Variants in KMT2C observed in about 807,000 individuals in gnomAD.
KMT2C encodes the protein histone-lysine N-methyltransferase 2C.
A neutral mutation model predicts 507.9 loss-of-function variants in KMT2C; 88 were observed. That is an observed-to-expected ratio of 0.17 (90% CI 0.15 to 0.21). KMT2C has a LOEUF of 0.21. Among genes scored for constraint, KMT2C ranks in the 10% least tolerant of loss-of-function variants. The probability of loss-of-function intolerance (pLI) is 1.00; values close to 1 mark genes in which losing one functional copy is unlikely to be tolerated. For synonymous variants in KMT2C, 2,049 were observed against 2,080.8 expected, an observed-to-expected ratio of 0.98 and a Z score of 0.42; for missense variants, 4,954 against 5,957.8, an observed-to-expected ratio of 0.83 and a Z score of 5.55.
chr7:152,180,793 G>A lies in KMT2C; in HGVS notation c.7067C>T (p.Pro2356Leu), dbSNP rs1340968648. The change falls in exon 36 of 59, where the codon CCT becomes CTT. Residue 2356 changes from proline (P) to leucine (L), a missense_variant. This residue lies in a region of KMT2C where 1,689 missense variants were observed against 1,654.3 expected (regional missense o/e 1.02). Transcript: ENST00000262189. ...TACTCCTGAAGTTGGCACAGGTCCA[G>A]GAAGTTGGGAGACACCAGAGAACTG... ...GQQFSGVSQL[P>L]GPVPTSGVTD... is the part of the protein sequence containing the mutation. 1 of 1,614,152 alleles carries A rather than the reference G, an allele frequency of 6.2e-7. No homozygotes were observed. The highest frequency in any genetic ancestry group is 8.5e-7 in the Non-Finnish European group (1 of 1,180,026).
intron 55 of KMT2C, among the ~76,000 whole-genome samples, chr7:152,143,086 G>C (rs1378478364): frequency 6.6e-6 from 1 of 152,122 alleles, no homozygotes; most frequent in Non-Finnish European, 1.5e-5. Context: ...TCGAGAACAC[G>C]AATGGGTATA....
chr7:152,290,218 A>ATG lies in KMT2C; in HGVS notation c.850-16352_850-16351insCA, dbSNP rs1453293217. 1.2e-3 allele frequency among the ~76,000 whole-genome samples: 128 copies of ATG among 108,734 alleles called. 1 individual carries two copies. In the East Asian group the frequency reaches 0.012, roughly 10 times the overall value. 71.3% of individuals were successfully genotyped at this position (108,734 alleles called of 152,430 possible). A position where few individuals can be genotyped will look rare whatever the true frequency, so the allele number is the denominator to read the frequency against. On this transcript the variant is annotated intron_variant, in intron 6 of 58. Transcript: ENST00000262189. ...AGGTAGTCTAATAAATTTTATATAT[A>ATG]TATGTGTGTGTGTGTGTGTGTGTGT...
chr7:152,234,737 T>C (rs986064806), intron 16 of KMT2C, among the ~76,000 whole-genome samples: 3 of 151,886 alleles, frequency 2.0e-5, no homozygotes, highest in Admixed American at 6.6e-5. Context: ...GCTGTCTCTA[T>C]CAAAAATTTT....
At chr7:152,300,916 G>A (rs1391209123) in intron 6 of KMT2C, among the ~76,000 whole-genome samples, 1 of 152,054 alleles carries the variant, frequency 6.6e-6, no homozygotes, top group African/African-American at 2.4e-5. Flanking sequence ...AAAGTAGCTG[G>A]GCATGCTGGC....
chr7:152,167,035 A>G (rs1292918158), intron 42 of KMT2C, 111 bp downstream of exon 42: 1 of 831,048 alleles, frequency 1.2e-6, no homozygotes, highest in Non-Finnish European at 1.9e-6. Context: ...TTTTAATGCC[A>G]TTTAATACTA....
At chr7:152,347,629 C>T (rs143066091) in intron 2 of KMT2C, among the ~76,000 whole-genome samples, 54 of 152,242 alleles carry the variant, frequency 3.5e-4, no homozygotes, top group African/African-American at 9.2e-4. Context: ...TACATCTTTA[C>T]ATTTGTTTAC....
rs1193962405 is a variant in KMT2C at position 152,187,494 on chromosome 7, T to C, written c.4794-18A>G. ...TTTTATCCCTGGGAAAAAATAAATA[T>C]CTTTACTTTATGAACATAAAATAAC... On this transcript the variant is annotated intron_variant, in intron 32 of 58. Transcript: ENST00000262189. 1.3e-6 allele frequency: 2 copies of C among 1,591,308 alleles called. No individual in the cohort carries two copies. The highest frequency in any genetic ancestry group is 3.3e-5 in the Admixed American group (2 of 59,792).
Position 152,162,423 on chromosome 7 carries a change from T to C in KMT2C, c.11154A>G (p.Ile3718Met). Reference sequence around the variant, plus strand: ...ACTCTGTCTCAGCCTTTTCCAGTTTTATCTCTTCTGTTTTGGCAGGGGTTT... The same window carrying C: ...ACTCTGTCTCAGCCTTTTCCAGTTTCATCTCTTCTGTTTTGGCAGGGGTTT... ...SMETPAKTEE[I>M]KLEKAETESC... The change falls in exon 43 of 59, where the codon ATA (isoleucine) becomes ATG (methionine). Residue 3718 changes from isoleucine (I) to methionine (M), a missense_variant. Ile to Met is a conservative substitution (Grantham distance 10, BLOSUM62 1). Coordinates refer to ENST00000262189, the MANE Select transcript of KMT2C (RefSeq NM_170606.3). 1 of 1,614,254 alleles carries C rather than the reference T, an allele frequency of 6.2e-7. No individual in the cohort carries two copies. Among genetic ancestry groups the C allele is most frequent in the South Asian group, 1.1e-5 (1 of 91,092 alleles).
intron 6 of KMT2C, among the ~76,000 whole-genome samples, chr7:152,275,129 T>G (rs1289526059): frequency 6.6e-6 from 1 of 152,256 alleles, no homozygotes; most frequent in Non-Finnish European, 1.5e-5. Context: ...ATGTTTTATG[T>G]GTAAATCTGT....
At chr7:152,155,361 C>G (rs1051291772) in intron 46 of KMT2C, among the ~76,000 whole-genome samples, 50 of 152,078 alleles carry the variant, frequency 3.3e-4, no homozygotes, top group African/African-American at 1.2e-3. Context: ...TTGTAAGAAC[C>G]CTCTGGATCT....
At chr7:152,220,431 T>TA in intron 23 of KMT2C, 92 bp downstream of exon 23, 2 of 1,000,120 alleles carry the variant, frequency 2.0e-6, no homozygotes, top group African/African-American at 1.6e-5. Flanking sequence ...CAGTGTGATT[T>TA]ACCCTTTGGT....
At chr7:152,348,966 CA>C (rs1323176222) in intron 2 of KMT2C, among the ~76,000 whole-genome samples, 1 of 152,144 alleles carries the variant, frequency 6.6e-6, no homozygotes, top group Non-Finnish European at 1.5e-5. Context: ...GGTATTTATC[CA>C]AATGAGTTGA....
At chr7:152,234,278 G>A (rs1389153738) in intron 16 of KMT2C, among the ~76,000 whole-genome samples, 3 of 151,610 alleles carry the variant, frequency 2.0e-5, no homozygotes, top group African/African-American at 7.3e-5. Context: ...GCTACCCAGG[G>A]GGCTGAGGCA....
intron 3 of KMT2C, among the ~76,000 whole-genome samples, chr7:152,316,547 T>C (rs1207143395): frequency 1.3e-5 from 2 of 152,196 alleles, no homozygotes; most frequent in Non-Finnish European, 2.9e-5. Flanking sequence ...TCACAAGATA[T>C]TTACTGCTGC....
rs373920196 is a variant in KMT2C at position 152,281,000 on chromosome 7, A to G, written c.850-7133T>C. Among the ~76,000 whole-genome samples the G allele has an allele frequency of 1.7e-4, 26 of 152,350 alleles. No homozygotes were observed. The East Asian group carries it at 4.6e-3, about 27-fold the overall frequency. ...GGAGAGGCAAGCTTTCTGAGTCCAC[A>G]AAAGTGCCCTCTACCTATTGGGTCA... On this transcript the variant is annotated intron_variant, in intron 6 of 58. Transcript: ENST00000262189.
At chr7:152,300,250 G>C (rs1181271362) in intron 6 of KMT2C, among the ~76,000 whole-genome samples, 1 of 152,174 alleles carries the variant, frequency 6.6e-6, no homozygotes, top group African/African-American at 2.4e-5. Context: ...TGTGAAGGAG[G>C]GTCTGTCTGT....
At chr7:152,215,058 T>C (rs1192921025) in intron 23 of KMT2C, among the ~76,000 whole-genome samples, 3 of 150,894 alleles carry the variant, frequency 2.0e-5, no homozygotes, top group Non-Finnish European at 2.9e-5. Flanking sequence ...ACCTCAGATA[T>C]GTGTAATAAA....
intron 1 of KMT2C, among the ~76,000 whole-genome samples, chr7:152,370,746 T>G (rs756698112): frequency 3.3e-5 from 5 of 152,246 alleles, no homozygotes; most frequent in African/African-American, 4.8e-5. Context: ...GTTAGAAGTC[T>G]AAATCACTGG....
At chr7:152,433,233 C>T (rs2097881687) in intron 1 of KMT2C, among the ~76,000 whole-genome samples, 3 of 151,862 alleles carry the variant, frequency 2.0e-5, no homozygotes, top group South Asian at 2.1e-4. Flanking sequence ...CTTAAAATAT[C>T]TCTATGAGAT....
Sources: allele counts gnomAD v4.1 joint callset (sites outside exome capture counted in the v4.1 genomes callset), GRCh38; gene constraint gnomAD v4.1.1; regional missense constraint gnomAD v4.1.1; transcripts MANE v1.5; gene names NCBI Gene and HGNC (gene_info 2026-07-23, HGNC 2026-07-21).